The following TSPEAR variants were observed in gnomAD, a reference collection of about 807,000 sequenced individuals.
TSPEAR encodes thrombospondin-type laminin G domain and EAR repeat-containing protein.
Under a neutral mutation model 71.6 loss-of-function variants are expected in TSPEAR, and 69 were observed. That is an observed-to-expected ratio of 0.96 (90% CI 0.79 to 1.18). TSPEAR has a LOEUF of 1.18. Ranked by LOEUF, TSPEAR falls within the 50% of genes most tolerant of loss-of-function variation. The probability of loss-of-function intolerance (pLI) is 0.00; values close to 1 mark genes in which losing one functional copy is unlikely to be tolerated. For missense variants in TSPEAR, 971 were observed against 894.9 expected (o/e 1.09, Z -1.09); for synonymous variants, 402 against 387.2 (o/e 1.04, Z -0.45).
At position 44,539,325 on chromosome 21, in the gene TSPEAR, C is replaced by T. The variant is rs782220619; in HGVS notation, c.304-5402G>A. 2.9e-5 allele frequency: 46 copies of T among 1,611,614 alleles called. No individual in the cohort carries two copies. The highest frequency in any genetic ancestry group is 1.3e-4 in the South Asian group (12 of 90,928). The stretch of plus-strand genomic sequence containing the variant: ...CCTCAGCAGGCCGGGCGGGAGCACG[C>T]GGGGCGGCAGAGGAGGGACACGCAG... On this transcript the variant is annotated intron_variant, in intron 2 of 11. Transcript: ENST00000323084.
At chr21:44,595,684 A>G (rs1189288515) in intron 1 of TSPEAR, among the ~76,000 whole-genome samples, 6 of 152,168 alleles carry the variant, frequency 3.9e-5, no homozygotes, top group Admixed American at 2.0e-4. Context: ...TAACAAGGAC[A>G]CCTGTTTACC....
Position 44,601,778 on chromosome 21 carries a change from C to T in TSPEAR, c.83-33773G>A, listed in dbSNP as rs782206512. 7 of 1,575,350 alleles carry T rather than the reference C, an allele frequency of 4.4e-6. No individual in the cohort carries two copies. In the African/African-American group the frequency reaches 9.4e-5, roughly 21 times the overall value. ...TCCAAAGCCTGAGTGCTCACTGCCACCTGCACCCCTGGATTCTTTACCCTT... is the reference window on the plus strand; with the variant it reads ...TCCAAAGCCTGAGTGCTCACTGCCATCTGCACCCCTGGATTCTTTACCCTT... On this transcript the variant is annotated intron_variant, in intron 1 of 11. Transcript: ENST00000323084.
At chr21:44,606,557 G>C (rs587622825) in intron 1 of TSPEAR, among the ~76,000 whole-genome samples, 2 of 152,306 alleles carry the variant, frequency 1.3e-5, no homozygotes, top group East Asian at 3.9e-4. Context: ...TTCTTTTGGG[G>C]AGAGGTCTGC....
chr21:44,618,012 G>A (rs782162535), intron 1 of TSPEAR, among the ~76,000 whole-genome samples: 8 of 152,190 alleles, frequency 5.3e-5, no homozygotes, highest in Non-Finnish European at 1.0e-4. Context: ...AGAGGAAATG[G>A]TGGAGCGGGG....
intron 1 of TSPEAR, chr21:44,681,664 C>A: frequency 1.1e-6 from 1 of 926,676 alleles, no homozygotes; most frequent in African/African-American, 1.7e-5. Context: ...TAGGCAAGTT[C>A]AGCCAGGGCT....
intron 1 of TSPEAR, among the ~76,000 whole-genome samples, chr21:44,620,422 G>A (rs1982368742): frequency 6.6e-6 from 1 of 152,152 alleles, no homozygotes; most frequent in South Asian, 2.1e-4. Flanking sequence ...GTTTATAGGA[G>A]TTTTTCCATT....
At chr21:44,639,197 C>T (rs587643136) in intron 1 of TSPEAR, among the ~76,000 whole-genome samples, 4 of 152,270 alleles carry the variant, frequency 2.6e-5, no homozygotes, top group South Asian at 4.1e-4. Context: ...ACCCTGTCCC[C>T]GCACCCCCAG....
At chr21:44,558,815 C>T (rs2053592034) in intron 2 of TSPEAR, 8 of 1,455,318 alleles carry the variant, frequency 5.5e-6, no homozygotes, top group East Asian at 4.6e-5. Flanking sequence ...TCTGAGTGGT[C>T]GGAACCTTTA....
chr21:44,527,215 G>T, intron 7 of TSPEAR, 77 bp downstream of exon 7: 1 of 1,432,948 alleles, frequency 7.0e-7, no homozygotes, highest in Admixed American at 1.7e-5. Context: ...TGCAGAATCA[G>T]TGTAGGGGGC....
chr21:44,671,167 C>T (rs587755042), intron 1 of TSPEAR, among the ~76,000 whole-genome samples: 81 of 152,354 alleles, frequency 5.3e-4, no homozygotes, highest in Non-Finnish European at 9.4e-4. Flanking sequence ...ACCACCAGCG[C>T]TCACTTGCAT....
At chr21:44,583,929 T>C (rs1201163684) in intron 1 of TSPEAR, among the ~76,000 whole-genome samples, 1 of 152,214 alleles carries the variant, frequency 6.6e-6, no homozygotes, top group Non-Finnish European at 1.5e-5. Flanking sequence ...TGTGTTACAG[T>C]CAACTGTCCC....
intron 1 of TSPEAR, chr21:44,675,960 G>A (rs1601554575): frequency 4.9e-6 from 4 of 820,768 alleles, no homozygotes; most frequent in African/African-American, 1.7e-5. Flanking sequence ...AGGGTTATTC[G>A]GGCTTCCTTC....
At chr21:44,649,234 G>T (rs1304946253) in intron 1 of TSPEAR, among the ~76,000 whole-genome samples, 2 of 152,180 alleles carry the variant, frequency 1.3e-5, no homozygotes, top group Admixed American at 1.3e-4. Flanking sequence ...AGACACCCTC[G>T]CCCAGTTGTA....
chr21:44,518,798 A>G (rs587651265), intron 9 of TSPEAR: 2 of 430,084 alleles, frequency 4.7e-6, no homozygotes, highest in East Asian at 7.2e-5. Context: ...GGTTCTGGCA[A>G]AGCTCCTCAA....
intron 1 of TSPEAR, among the ~76,000 whole-genome samples, chr21:44,692,632 A>G (rs372499681): frequency 9.9e-5 from 15 of 152,202 alleles, no homozygotes; most frequent in African/African-American, 3.6e-4. Flanking sequence ...AGAATAAAAT[A>G]CCTAGTAACA....
At chr21:44,637,538 G>C in intron 1 of TSPEAR, 1 of 1,613,570 alleles carries the variant, frequency 6.2e-7, no homozygotes, top group Non-Finnish European at 8.5e-7. Context: ...CTTGACCCTG[G>C]TCTGCACCCC....
At position 44,551,119 on chromosome 21, in the gene TSPEAR, A is replaced by C. The variant is rs782096863; in HGVS notation, c.303+16666T>G. 3 of 1,561,066 alleles carry C rather than the reference A, an allele frequency of 1.9e-6. No individual in the cohort carries two copies. In the South Asian group the frequency reaches 3.4e-5, roughly 18 times the overall value. On this transcript the variant is annotated intron_variant, in intron 2 of 11. Transcript: ENST00000323084. ...TGGCAGCATGAAGAAGCCCCACAGC[A>C]GACGGGCACACAGCACACAGGCTTG...
chr21:44,556,396 A>C (rs233251), intron 2 of TSPEAR, among the ~76,000 whole-genome samples: 137,405 of 151,716 alleles, frequency 0.91, 62,262 homozygotes, highest in Non-Finnish European at 0.93. Context: ...ACAACAACAA[A>C]AAAAAAAACC....
intron 11 of TSPEAR, among the ~76,000 whole-genome samples, chr21:44,500,462 T>A (rs587719656): frequency 6.6e-6 from 1 of 152,248 alleles, no homozygotes; most frequent in Non-Finnish European, 1.5e-5. Context: ...CCCAGGAGCT[T>A]CCATTTCCGA....
Sources: allele counts gnomAD v4.1 joint callset (sites outside exome capture counted in the v4.1 genomes callset), GRCh38; gene constraint gnomAD v4.1.1; transcripts MANE v1.5; gene names NCBI Gene and HGNC (gene_info 2026-07-23, HGNC 2026-07-21).